The following PPP1R9A variants were observed in gnomAD, a reference collection of about 807,000 sequenced individuals.
The protein encoded by PPP1R9A is protein phosphatase 1 regulatory subunit 9A.
A neutral mutation model predicts 141.9 loss-of-function variants in PPP1R9A; 59 were observed. That is an observed-to-expected ratio of 0.42 (90% confidence interval 0.34 to 0.52). The LOEUF (loss-of-function observed/expected upper bound fraction) is 0.52, where lower values mean the gene tolerates loss of function less well. PPP1R9A is among the 20% of genes least tolerant of loss of function. The pLI is 0.10. For missense variants in PPP1R9A, 1,444 were observed against 1,611.9 expected (o/e 0.90, Z 1.78); for synonymous variants, 500 against 569.7 (o/e 0.88, Z 1.74).
At chr7:95,225,608 G>A (rs1210517335) in intron 7 of PPP1R9A, among the ~76,000 whole-genome samples, 1 of 151,888 alleles carries the variant, frequency 6.6e-6, no homozygotes, top group Admixed American at 6.6e-5. Context: ...ATTGGGTGGC[G>A]TATTCACAAA....
intron 8 of PPP1R9A, among the ~76,000 whole-genome samples, chr7:95,246,590 A>G (rs975371098): frequency 6.6e-6 from 1 of 152,162 alleles, no homozygotes; most frequent in Non-Finnish European, 1.5e-5. Context: ...ATAATAAGCA[A>G]TTTGTAGAAG....
At chr7:94,953,641 G>A (rs2151055622) in intron 2 of PPP1R9A, among the ~76,000 whole-genome samples, 1 of 152,222 alleles carries the variant, frequency 6.6e-6, no homozygotes, top group East Asian at 1.9e-4. Context: ...TCCTTGAGCA[G>A]TGGTTTGTGG....
At chr7:95,036,892 C>T (rs112184621) in intron 2 of PPP1R9A, 2 of 152,130 alleles carry the variant, frequency 1.3e-5, no homozygotes, top group Non-Finnish European at 2.9e-5. Context: ...AATTTGATTT[C>T]TCACCACTCA....
At chr7:95,073,902 A>G (rs1275183650) in intron 2 of PPP1R9A, among the ~76,000 whole-genome samples, 1 of 151,908 alleles carries the variant, frequency 6.6e-6, no homozygotes, top group Non-Finnish European at 1.5e-5. Flanking sequence ...TTAAACAAAA[A>G]ATATTATACA....
At chr7:95,046,835 G>A (rs1280112780) in intron 2 of PPP1R9A, among the ~76,000 whole-genome samples, 2 of 152,116 alleles carry the variant, frequency 1.3e-5, no homozygotes, top group African/African-American at 4.8e-5. Flanking sequence ...CACACATTCT[G>A]GTCTTCTTGA....
At chr7:95,115,812 G>A (rs769065767) in intron 3 of PPP1R9A, among the ~76,000 whole-genome samples, 5 of 151,480 alleles carry the variant, frequency 3.3e-5, no homozygotes, top group Non-Finnish European at 7.4e-5. Flanking sequence ...AGCTACTCAG[G>A]AGGCTGAGGC....
chr7:95,252,117 T>A lies in PPP1R9A; in HGVS notation c.2652T>A (p.Asp884Glu). The A allele has an allele frequency of 6.3e-7, 1 of 1,595,990 alleles. No individual in the cohort carries two copies. Among genetic ancestry groups the A allele is most frequent in the Non-Finnish European group, 8.5e-7 (1 of 1,174,878 alleles). ...ATGGCAAGCAGACATCTTGCCAAGA[T>A]GGCCTAAGTCAAGGTTTGTTTAACC... is the stretch of plus-strand genomic sequence containing the variant. The part of the protein sequence containing the change: ...NLDGKQTSCQ[D>E]GLSQDLNEAV... The change falls in exon 12 of 20, where the codon GAT (aspartate) becomes GAA (glutamate). Residue 884 changes from aspartate to glutamate, a missense_variant. This residue lies in a region of PPP1R9A where 488 missense variants were observed against 542.0 expected (regional missense o/e 0.90). Coordinates refer to ENST00000433360, the MANE Select transcript of PPP1R9A (RefSeq NM_001166160.2).
At position 95,138,548 on chromosome 7, in the gene PPP1R9A, C is replaced by A. The variant is rs114914074; in HGVS notation, c.1649+17716C>A. Among the ~76,000 whole-genome samples, 1,242 of 152,186 alleles carry A rather than the reference C, an allele frequency of 8.2e-3. 24 individuals carry two copies. The highest frequency in any genetic ancestry group is 0.029 in the African/African-American group (1,199 of 41,524). On this transcript the variant is annotated intron_variant, in intron 4 of 19. Coordinates refer to ENST00000433360, the MANE Select transcript of PPP1R9A (RefSeq NM_001166160.2). ...TTGAACTTCATTATATCCAAATTTTCGTTCTTTGAGAAACACAGTTAAGAA... is the reference window on the plus strand; with the variant it reads ...TTGAACTTCATTATATCCAAATTTTAGTTCTTTGAGAAACACAGTTAAGAA...
chr7:95,276,378 A>G (rs569006671), intron 16 of PPP1R9A, among the ~76,000 whole-genome samples: 4 of 152,314 alleles, frequency 2.6e-5, no homozygotes, highest in African/African-American at 9.6e-5. Flanking sequence ...ACTATAGGCA[A>G]AACCACAGCT....
At chr7:94,975,374 T>G (rs1477055759) in intron 2 of PPP1R9A, among the ~76,000 whole-genome samples, 3 of 149,506 alleles carry the variant, frequency 2.0e-5, no homozygotes, top group African/African-American at 4.9e-5. Context: ...TTTTTTTTTT[T>G]TTTTTTTTTA....
chr7:95,134,885 T>A (rs1371282832), intron 4 of PPP1R9A, among the ~76,000 whole-genome samples: 1 of 152,222 alleles, frequency 6.6e-6, no homozygotes, highest in Non-Finnish European at 1.5e-5. Flanking sequence ...TTCAATAATC[T>A]CTAGTCTTTG....
intron 2 of PPP1R9A, among the ~76,000 whole-genome samples, chr7:94,973,293 C>T (rs1584459983): frequency 6.6e-6 from 1 of 152,100 alleles, no homozygotes; most frequent in African/African-American, 2.4e-5. Flanking sequence ...AAGGGCTGAA[C>T]TGCTTATTTT....
chr7:95,133,529 A>G (rs1449216410), intron 4 of PPP1R9A, among the ~76,000 whole-genome samples: 2 of 147,890 alleles, frequency 1.4e-5, no homozygotes, highest in East Asian at 3.9e-4. Flanking sequence ...ATATATATAT[A>G]TATATATATA....
chr7:95,150,798 G>A (rs556365341), intron 4 of PPP1R9A, among the ~76,000 whole-genome samples: 2 of 152,082 alleles, frequency 1.3e-5, no homozygotes, highest in South Asian at 4.1e-4. Context: ...TATACGAAAA[G>A]CTCTTAAAAC....
intron 2 of PPP1R9A, among the ~76,000 whole-genome samples, chr7:95,064,475 A>G (rs1031809591): frequency 6.6e-6 from 1 of 152,218 alleles, no homozygotes; most frequent in Non-Finnish European, 1.5e-5. Context: ...CAAAATCACC[A>G]ACAAAAAGCA....
chr7:95,228,378 A>G (rs959077730), intron 8 of PPP1R9A, among the ~76,000 whole-genome samples: 1 of 152,322 alleles, frequency 6.6e-6, no homozygotes, highest in South Asian at 2.1e-4. Context: ...AATTTGTTGT[A>G]TGATATAAGA....
intron 2 of PPP1R9A, among the ~76,000 whole-genome samples, chr7:95,099,715 A>C (rs541347956): frequency 6.6e-6 from 1 of 152,312 alleles, no homozygotes; most frequent in African/African-American, 2.4e-5. Flanking sequence ...ATCAATGAAA[A>C]ATAATGTATA....
At chr7:95,054,636 G>A (rs1461535833) in intron 2 of PPP1R9A, among the ~76,000 whole-genome samples, 1 of 151,886 alleles carries the variant, frequency 6.6e-6, no homozygotes, top group South Asian at 2.1e-4. Flanking sequence ...TGGCTCCCTG[G>A]TCCCTGCTTG....
chr7:94,940,105 A>G (rs1449921215), intron 2 of PPP1R9A, among the ~76,000 whole-genome samples: 2 of 152,100 alleles, frequency 1.3e-5, no homozygotes, highest in African/African-American at 2.4e-5. Context: ...TTGAACCATA[A>G]TAATCATGAT....
Sources: allele counts gnomAD v4.1 joint callset (sites outside exome capture counted in the v4.1 genomes callset), GRCh38; gene constraint gnomAD v4.1.1; regional missense constraint gnomAD v4.1.1; transcripts MANE v1.5; gene names NCBI Gene and HGNC (gene_info 2026-07-23, HGNC 2026-07-21).